Variants in FANCC observed in about 807,000 individuals in gnomAD.
FANCC encodes the protein Fanconi anemia group C protein.
A neutral mutation model predicts 71.3 loss-of-function variants in FANCC; 55 were observed. The observed-to-expected ratio is 0.77, with a 90% confidence interval of 0.62 to 0.97. The LOEUF (loss-of-function observed/expected upper bound fraction) is 0.97, where lower values mean the gene tolerates loss of function less well. FANCC is among the 50% of genes least tolerant of loss of function. FANCC has a pLI of 0.00. For missense variants in FANCC, 678 were observed against 670.9 expected (o/e 1.01, Z -0.12); for synonymous variants, 275 against 244.9 (o/e 1.12, Z -1.15).
intron 7 of FANCC, 57 bp from the exon 8 acceptor site, chr9:95,135,559 A>T: frequency 6.5e-7 from 1 of 1,544,704 alleles, no homozygotes; most frequent in African/African-American, 1.4e-5. Flanking sequence ...AAAAAAGAAG[A>T]TTAAAAAAAG....
intron 4 of FANCC, among the ~76,000 whole-genome samples, chr9:95,238,701 G>C (rs953558638): frequency 6.6e-6 from 1 of 152,082 alleles, no homozygotes; most frequent in Non-Finnish European, 1.5e-5. Flanking sequence ...TAGTAGCTGA[G>C]AGTACAGGCA....
chr9:95,256,000 GAACA>G (rs1831635077), intron 1 of FANCC, among the ~76,000 whole-genome samples: 2 of 151,848 alleles, frequency 1.3e-5, no homozygotes, highest in South Asian at 4.2e-4. Flanking sequence ...AAATGAAAAG[GAACA>G]AACTAAGCCT....
At chr9:95,194,147 A>C (rs574193550) in intron 4 of FANCC, among the ~76,000 whole-genome samples, 2 of 152,244 alleles carry the variant, frequency 1.3e-5, no homozygotes, top group Admixed American at 1.3e-4. Context: ...AGAGCATGGA[A>C]ACTAGATTAA....
rs145323671 is a variant in FANCC, at chr9:95,159,464, G to A, written c.522-9377C>T. ...ACATTTAGGTTCATTCCAAGTCTTTGCTATTGTGAATAGTGCCGCAATAAA... is the reference window on the plus strand; with the variant it reads ...ACATTTAGGTTCATTCCAAGTCTTTACTATTGTGAATAGTGCCGCAATAAA... On this transcript the variant is annotated intron_variant, in intron 6 of 14. Coordinates refer to ENST00000289081, the MANE Select transcript of FANCC (RefSeq NM_000136.3). Among the ~76,000 whole-genome samples, 506 of 152,226 alleles carry A rather than the reference G, an allele frequency of 3.3e-3. 9 individuals are homozygous for A. In the East Asian group the frequency reaches 0.043, roughly 13 times the overall value.
intron 2 of FANCC, among the ~76,000 whole-genome samples, chr9:95,247,720 A>G (rs1831078540): frequency 1.3e-5 from 2 of 152,198 alleles, no homozygotes; most frequent in Admixed American, 6.5e-5. Context: ...TTCATCCTTA[A>G]ATGGGGTCAC....
intron 1 of FANCC, among the ~76,000 whole-genome samples, chr9:95,275,212 A>C (rs1306171165): frequency 6.6e-6 from 1 of 151,966 alleles, no homozygotes; most frequent in Non-Finnish European, 1.5e-5. Flanking sequence ...TGAGCCTAGG[A>C]GGTAGATGTT....
At chr9:95,306,614 G>C (rs1343769774) in intron 1 of FANCC, among the ~76,000 whole-genome samples, 1 of 152,164 alleles carries the variant, frequency 6.6e-6, no homozygotes, top group African/African-American at 2.4e-5. Context: ...ATTTCAAAGA[G>C]AAGTTATTAT....
intron 4 of FANCC, among the ~76,000 whole-genome samples, chr9:95,231,043 AG>A (rs1829979701): frequency 6.6e-6 from 1 of 152,190 alleles, no homozygotes; most frequent in South Asian, 2.1e-4. Flanking sequence ...CACTTGACCT[AG>A]GAAGTCCAGC....
chr9:95,207,759 A>G (rs1348512385), intron 4 of FANCC, among the ~76,000 whole-genome samples: 1 of 152,172 alleles, frequency 6.6e-6, no homozygotes, highest in Non-Finnish European at 1.5e-5. Context: ...TGTTACAAAG[A>G]TAAGAAACAA....
intron 8 of FANCC, chr9:95,127,327 G>A (rs1826148197): frequency 6.6e-6 from 1 of 152,272 alleles, no homozygotes; most frequent in African/African-American, 2.4e-5. Context: ...GCCCATTTGT[G>A]TTCCAAAACA....
chr9:95,137,897 C>T (rs1827949337), intron 7 of FANCC, among the ~76,000 whole-genome samples: 1 of 152,212 alleles, frequency 6.6e-6, no homozygotes, highest in Non-Finnish European at 1.5e-5. Context: ...CAGCACATGG[C>T]AGAGAGAGGA....
chr9:95,213,444 C>T (rs1051415131), intron 4 of FANCC, among the ~76,000 whole-genome samples: 2 of 151,990 alleles, frequency 1.3e-5, no homozygotes, highest in African/African-American at 4.8e-5. Flanking sequence ...GTGGTCCAGG[C>T]AGAAAGACAG....
chr9:95,271,295 T>C (rs916514683), intron 1 of FANCC, among the ~76,000 whole-genome samples: 12 of 152,208 alleles, frequency 7.9e-5, no homozygotes, highest in Non-Finnish European at 1.5e-5. Context: ...GAATGACTAT[T>C]ACCTTGTACA....
chr9:95,280,969 T>C (rs745411255), intron 1 of FANCC, among the ~76,000 whole-genome samples: 2 of 152,082 alleles, frequency 1.3e-5, no homozygotes, highest in Non-Finnish European at 2.9e-5. Context: ...GGAGTATCAG[T>C]GAATTCAAAG....
intron 4 of FANCC, among the ~76,000 whole-genome samples, chr9:95,212,979 A>G (rs2135885678): frequency 6.6e-6 from 1 of 152,308 alleles, no homozygotes; most frequent in East Asian, 1.9e-4. Context: ...ACATGGGCAA[A>G]TGAAAGCTTC....
chr9:95,297,974 A>G (rs1337775029), intron 1 of FANCC, among the ~76,000 whole-genome samples: 1 of 152,234 alleles, frequency 6.6e-6, no homozygotes, highest in Non-Finnish European at 1.5e-5. Flanking sequence ...ACTTTATTCT[A>G]AGAGCAAAGG....
chr9:95,234,922 A>G (rs1830214382), intron 4 of FANCC, among the ~76,000 whole-genome samples: 1 of 152,206 alleles, frequency 6.6e-6, no homozygotes, highest in Non-Finnish European at 1.5e-5. Context: ...ACTCGGGAGC[A>G]TCAGCCTTCT....
At chr9:95,294,072 GAACA>G in intron 1 of FANCC, 1 of 1,610,324 alleles carries the variant, frequency 6.2e-7, no homozygotes, top group Non-Finnish European at 8.5e-7. Context: ...TTCCTTCACA[GAACA>G]TGACAGATAA....
chr9:95,311,640 A>T (rs781257404), intron 1 of FANCC, among the ~76,000 whole-genome samples: 3 of 151,990 alleles, frequency 2.0e-5, no homozygotes, highest in African/African-American at 4.8e-5. Flanking sequence ...CCTCTCAAAT[A>T]GTTGGGACTA....
Sources: gnomAD v4.1 joint callset for allele counts (sites outside exome capture counted in the v4.1 genomes callset) on GRCh38, gnomAD v4.1.1 for gene constraint, MANE v1.5 for transcripts, NCBI Gene and HGNC (gene_info 2026-07-23, HGNC 2026-07-21) for gene names.